MANBA: variants seen among roughly 807,000 people sequenced by gnomAD.
MANBA encodes beta-mannosidase.
Under a neutral mutation model 111.1 loss-of-function variants are expected in MANBA, and 83 were observed. The observed-to-expected ratio is 0.75, with a 90% CI of 0.63 to 0.90. The LOEUF (loss-of-function observed/expected upper bound fraction) is 0.90, where lower values mean the gene tolerates loss of function less well. Among genes scored for constraint, MANBA ranks in the 40% least tolerant of loss-of-function variants. The probability of loss-of-function intolerance (pLI) is 0.00; values close to 1 mark genes in which losing one functional copy is unlikely to be tolerated. For missense variants in MANBA, 1,036 were observed against 1,069.0 expected (o/e 0.97, Z 0.43); for synonymous variants, 370 against 378.7 (o/e 0.98, Z 0.27).
At chr4:102,676,711 T>C (rs72940746) in intron 7 of MANBA, among the ~76,000 whole-genome samples, 8,050 of 152,288 alleles carry the variant, frequency 0.053, 663 homozygotes, top group African/African-American at 0.18. Context: ...CTGTGAATTT[T>C]TGGCAACAAT....
intron 10 of MANBA, chr4:102,666,580 G>A (rs1483708258): frequency 6.6e-6 from 1 of 152,346 alleles, no homozygotes; most frequent in East Asian, 1.9e-4. Flanking sequence ...CAGTGGATGG[G>A]GAAGATGTTC....
chr4:102,677,937 T>C (rs1390431903), intron 7 of MANBA, among the ~76,000 whole-genome samples: 7 of 152,214 alleles, frequency 4.6e-5, no homozygotes, highest in Non-Finnish European at 8.8e-5. Context: ...TTCTCAGTTT[T>C]AATATTTAAT....
In MANBA at chr4:102,634,770, G is replaced by GCCATGAC. The variant is rs1560737273; in HGVS notation, c.2415+11_2415+17dup. The stretch of plus-strand genomic sequence containing the variant: ...ACAAGGCCACAGTCCCCTGCCCTCC[G>GCCATGAC]CCATGACCTGTGCTTACAGTGATCT... On this transcript the variant is annotated intron_variant, in intron 16 of 16. Transcript: ENST00000647097. 2.4e-5 allele frequency: 38 copies of GCCATGAC among 1,612,788 alleles called. No individual in the cohort carries two copies. The highest frequency in any genetic ancestry group is 3.2e-5 in the Non-Finnish European group (38 of 1,180,012).
At chr4:102,741,424 AT>A (rs1723399884) in intron 1 of MANBA, among the ~76,000 whole-genome samples, 1 of 152,254 alleles carries the variant, frequency 6.6e-6, no homozygotes, top group African/African-American at 2.4e-5. Flanking sequence ...TGATCCAGCA[AT>A]CCCACTACTG....
intron 1 of MANBA, chr4:102,754,108 A>G (rs1413830860): frequency 3.9e-6 from 1 of 259,124 alleles, no homozygotes; most frequent in Non-Finnish European, 7.9e-6. Flanking sequence ...ATAAACGTAT[A>G]AAGGTATTTG....
chr4:102,704,026 T>C (rs150900), intron 5 of MANBA, among the ~76,000 whole-genome samples: 61,193 of 151,398 alleles, frequency 0.4, 13,386 homozygotes, highest in African/African-American at 0.58. Flanking sequence ...ACCTGGGAGG[T>C]GGAGGTTGCA....
chr4:102,639,972 G>T, intron 13 of MANBA, 115 bp from the exon 14 acceptor site: 1 of 1,100,984 alleles, frequency 9.1e-7, no homozygotes, highest in Non-Finnish European at 1.4e-6. Context: ...GAGCAATTTG[G>T]ATAAAATTAG....
chr4:102,744,954 C>T (rs1326063075), intron 1 of MANBA, among the ~76,000 whole-genome samples: 1 of 152,154 alleles, frequency 6.6e-6, no homozygotes, highest in Non-Finnish European at 1.5e-5. Context: ...GTTTGGCTAC[C>T]TGCTACGTAT....
intron 3 of MANBA, 36 bp downstream of exon 3, chr4:102,723,826 T>A: frequency 8.2e-7 from 1 of 1,213,902 alleles, no homozygotes; most frequent in Non-Finnish European, 1.2e-6. Context: ...TAAACACACA[T>A]AAATTTTTTT....
At chr4:102,648,772 C>T (rs887289779) in intron 13 of MANBA, among the ~76,000 whole-genome samples, 1 of 152,016 alleles carries the variant, frequency 6.6e-6, no homozygotes, top group Non-Finnish European at 1.5e-5. Flanking sequence ...AGGTGCATGC[C>T]ATAACATTCA....
intron 16 of MANBA, 29 bp downstream of exon 16, chr4:102,634,759 C>G: frequency 6.2e-7 from 1 of 1,612,398 alleles, no homozygotes; most frequent in Non-Finnish European, 8.5e-7. Context: ...GGCCACAGTC[C>G]CCTGCCCTCC....
At chr4:102,710,361 CAAT>C (rs1722005227) in intron 5 of MANBA, among the ~76,000 whole-genome samples, 1 of 151,960 alleles carries the variant, frequency 6.6e-6, no homozygotes, top group African/African-American at 2.4e-5. Context: ...TTCTACACAT[CAAT>C]GATGAACTAG....
chr4:102,682,953 A>T (rs929179131), intron 7 of MANBA: 1 of 146,804 alleles, frequency 6.8e-6, no homozygotes, highest in Non-Finnish European at 1.5e-5. Flanking sequence ...AACCTAATAC[A>T]GAAGGAGACA....
At chr4:102,667,434 G>C (rs1407608377) in intron 10 of MANBA, 1 of 152,130 alleles carries the variant, frequency 6.6e-6, no homozygotes, top group African/African-American at 2.4e-5. Context: ...AAAGAAGAAA[G>C]TATCAATGAC....
At chr4:102,694,424 C>T (rs956497042) in intron 5 of MANBA, among the ~76,000 whole-genome samples, 1 of 152,220 alleles carries the variant, frequency 6.6e-6, no homozygotes, top group African/African-American at 2.4e-5. Flanking sequence ...TTGGTCACTC[C>T]TTTTCACTTG....
chr4:102,705,036 A>G (rs1733235003), intron 5 of MANBA, among the ~76,000 whole-genome samples: 1 of 152,214 alleles, frequency 6.6e-6, no homozygotes, highest in African/African-American at 2.4e-5. Context: ...CCCTTCAGAT[A>G]GATCACCTAT....
rs200735604 is a variant in MANBA at position 102,669,041 on chromosome 4, C to T, written c.1239G>A (p.Gln413=). Reference sequence around the variant, plus strand: ...AAAGGGCACAGGCAAACATAAAATCCTGCCATACCTAGCAAATCAAATAAA... The same window carrying T: ...AAAGGGCACAGGCAAACATAAAATCTTGCCATACCTAGCAAATCAAATAAA... ...LCDELGIMVW[Q]DFMFACALYP... Residue 413 remains glutamine, a synonymous_variant, in exon 10 of 17, where the codon CAG becomes CAA. Transcript: ENST00000647097. The T allele has an allele frequency of 6.2e-7, 1 of 1,612,066 alleles. No homozygotes were observed. The highest frequency in any genetic ancestry group is 2.2e-5 in the East Asian group (1 of 44,862).
At chr4:102,661,407 C>A (rs377000675) in intron 11 of MANBA, among the ~76,000 whole-genome samples, 63 of 152,098 alleles carry the variant, frequency 4.1e-4, no homozygotes, top group African/African-American at 1.5e-3. Flanking sequence ...TAAGAGTGTC[C>A]CCCACAGCAT....
rs1730641297 is a variant in MANBA, at chr4:102,657,865, A to G, written c.1521T>C (p.Pro507=). ...DKSRPFITSS[P]TNGAETVAEA... ...CTGCAACAGTTTCAGCCCCATTTGT[A>G]GGACTGGACGTAATAAAAGGACGAC... is the stretch of plus-strand genomic sequence containing the variant. The change falls in exon 12 of 17, where the codon CCT becomes CCC. Residue 507 remains proline, a synonymous_variant. Transcript: ENST00000647097. The G allele has an allele frequency of 6.2e-7, 1 of 1,613,508 alleles. No individual in the cohort carries two copies. The highest frequency in any genetic ancestry group is 8.5e-7 in the Non-Finnish European group (1 of 1,179,528).
Sources: gnomAD v4.1 joint callset for allele counts (sites outside exome capture counted in the v4.1 genomes callset) on GRCh38, gnomAD v4.1.1 for gene constraint, MANE v1.5 for transcripts, NCBI Gene and HGNC (gene_info 2026-07-23, HGNC 2026-07-21) for gene names.